Variants in TMEM108 observed in about 807,000 individuals in gnomAD.
The protein encoded by TMEM108 is transmembrane protein 108.
Under a neutral mutation model 35.1 loss-of-function variants are expected in TMEM108, and 12 were observed. That is an observed-to-expected ratio of 0.34 (90% CI 0.22 to 0.55). The LOEUF (loss-of-function observed/expected upper bound fraction) is 0.55. Ranked by LOEUF, TMEM108 falls within the 20% of genes least tolerant of loss-of-function variation. The pLI is 0.89. For missense variants in TMEM108, 680 were observed against 753.3 expected (o/e 0.90, Z 1.14); for synonymous variants, 287 against 308.6 (o/e 0.93, Z 0.73).
chr3:133,215,386 TA>T (rs1412271440), intron 2 of TMEM108, among the ~76,000 whole-genome samples: 1 of 142,848 alleles, frequency 7.0e-6, no homozygotes, highest in Non-Finnish European at 1.5e-5. Context: ...AAAAAAGCAC[TA>T]AATAGTCCAT....
chr3:133,148,733 T>C (rs975637076), intron 2 of TMEM108, among the ~76,000 whole-genome samples: 9 of 152,116 alleles, frequency 5.9e-5, no homozygotes, highest in African/African-American at 2.2e-4. Context: ...TGGTGGCTCA[T>C]GTCTGTAATC....
chr3:133,250,789 A>C (rs1385433903), intron 3 of TMEM108, among the ~76,000 whole-genome samples: 1 of 152,156 alleles, frequency 6.6e-6, no homozygotes, highest in East Asian at 1.9e-4. Context: ...CAAATATAAT[A>C]ATTTACAACA....
intron 2 of TMEM108, among the ~76,000 whole-genome samples, chr3:133,173,068 T>C (rs1945154174): frequency 1.3e-5 from 2 of 152,186 alleles, no homozygotes; most frequent in South Asian, 4.2e-4. Context: ...GGTATGTCTT[T>C]ATCAGCAGCA....
intron 2 of TMEM108, 43 bp from the exon 3 acceptor site, chr3:133,229,223 T>A: frequency 7.7e-7 from 1 of 1,301,226 alleles, no homozygotes. Flanking sequence ...ATTTTTAAAT[T>A]ATGTTCCTCA....
At chr3:133,220,758 A>T (rs1228812887) in intron 2 of TMEM108, among the ~76,000 whole-genome samples, 1 of 152,128 alleles carries the variant, frequency 6.6e-6, no homozygotes, top group Non-Finnish European at 1.5e-5. Flanking sequence ...CTACAGGTTA[A>T]GGGCTCAGTC....
intron 3 of TMEM108, among the ~76,000 whole-genome samples, chr3:133,231,612 C>G (rs1310985860): frequency 6.6e-6 from 1 of 152,112 alleles, no homozygotes; most frequent in Non-Finnish European, 1.5e-5. Flanking sequence ...ACGCATGCCA[C>G]ATTGTACTAT....
At chr3:133,300,640 A>T (rs1308340514) in intron 3 of TMEM108, among the ~76,000 whole-genome samples, 3 of 152,106 alleles carry the variant, frequency 2.0e-5, no homozygotes, top group Non-Finnish European at 2.9e-5. Flanking sequence ...TGGGTAAGGC[A>T]GGGTAACCAT....
chr3:133,362,088 A>ATGATGTGAT (rs892450015), intron 3 of TMEM108, among the ~76,000 whole-genome samples: 4 of 152,104 alleles, frequency 2.6e-5, no homozygotes, highest in Admixed American at 2.6e-4. Context: ...TTCAATACTG[A>ATGATGTGAT]TGATGTGATG....
At chr3:133,252,514 T>C (rs1203241024) in intron 3 of TMEM108, among the ~76,000 whole-genome samples, 1 of 152,180 alleles carries the variant, frequency 6.6e-6, no homozygotes, top group African/African-American at 2.4e-5. Context: ...CTTTAGGTTT[T>C]GCTAATTCAA....
At chr3:133,071,816 T>C (rs1414633884) in intron 2 of TMEM108, among the ~76,000 whole-genome samples, 1 of 152,222 alleles carries the variant, frequency 6.6e-6, no homozygotes, top group Non-Finnish European at 1.5e-5. Context: ...TATTGTTGTT[T>C]GATGTACAAA....
chr3:133,379,834 C>G lies in TMEM108; in HGVS notation c.123C>G (p.Leu41=). Residue 41 remains leucine (L), a synonymous_variant, in exon 4 of 6, where the codon CTC becomes CTG. Transcript: ENST00000321871. ...EPSPRESLQV[L]PSGTPPGTMV... is the part of the protein sequence containing the mutation. ...CTCCCAGGGAATCTCTTCAGGTCCT[C>G]CCTTCAGGCACTCCCCCGGGAACCA... 3.7e-6 allele frequency: 6 copies of G among 1,614,052 alleles called. No homozygotes were observed. Among genetic ancestry groups the G allele is most frequent in the Non-Finnish European group, 5.1e-6 (6 of 1,179,958 alleles).
intron 2 of TMEM108, among the ~76,000 whole-genome samples, chr3:133,156,519 T>C (rs1944884237): frequency 6.6e-6 from 1 of 152,214 alleles, no homozygotes; most frequent in Non-Finnish European, 1.5e-5. Context: ...ACTTACTATT[T>C]ATGTGATTTA....
chr3:133,043,734 C>T (rs1943302650), intron 1 of TMEM108, among the ~76,000 whole-genome samples: 1 of 151,996 alleles, frequency 6.6e-6, no homozygotes, highest in African/African-American at 2.4e-5. Flanking sequence ...TAGGACTCAC[C>T]ATGATCCCAG....
chr3:133,228,644 C>T (rs1946109050), intron 2 of TMEM108, among the ~76,000 whole-genome samples: 1 of 151,810 alleles, frequency 6.6e-6, no homozygotes, highest in Non-Finnish European at 1.5e-5. Context: ...TGAAACAGAC[C>T]AATAGAAGTG....
At chr3:133,268,339 A>G (rs1946726482) in intron 3 of TMEM108, among the ~76,000 whole-genome samples, 1 of 152,214 alleles carries the variant, frequency 6.6e-6, no homozygotes, top group South Asian at 2.1e-4. Flanking sequence ...AATGTGGTAC[A>G]TGGACAAGCA....
intron 2 of TMEM108, among the ~76,000 whole-genome samples, chr3:133,106,916 G>A (rs1019213523): frequency 9.9e-5 from 15 of 152,168 alleles, no homozygotes; most frequent in African/African-American, 2.9e-4. Context: ...AATAATAGAC[G>A]TTTATTGTTG....
intron 2 of TMEM108, among the ~76,000 whole-genome samples, chr3:133,149,463 AT>A (rs1944766646): frequency 6.6e-6 from 1 of 152,132 alleles, no homozygotes; most frequent in South Asian, 2.1e-4. Flanking sequence ...ACCAGAACCC[AT>A]CTTATAACTG....
At chr3:133,207,619 A>G (rs1368794937) in intron 2 of TMEM108, among the ~76,000 whole-genome samples, 4 of 152,056 alleles carry the variant, frequency 2.6e-5, no homozygotes, top group African/African-American at 9.6e-5. Context: ...TTTGTTTAGA[A>G]TTTTAATTCA....
chr3:133,237,550 TA>T (rs754852602), intron 3 of TMEM108, among the ~76,000 whole-genome samples: 1 of 152,170 alleles, frequency 6.6e-6, no homozygotes, highest in Non-Finnish European at 1.5e-5. Context: ...GCAGTTCTCA[TA>T]ATGTGATCCA....
Sources: gnomAD v4.1 joint callset for allele counts (sites outside exome capture counted in the v4.1 genomes callset) on GRCh38, gnomAD v4.1.1 for gene constraint, MANE v1.5 for transcripts, NCBI Gene and HGNC (gene_info 2026-07-23, HGNC 2026-07-21) for gene names.